The following AFF1 variants were observed in gnomAD, a reference collection of about 807,000 sequenced individuals.
The protein encoded by AFF1 is AF4/FMR2 family member 1.
A neutral mutation model predicts 121.7 loss-of-function variants in AFF1; 48 were observed. The observed-to-expected ratio is 0.39, with a 90% CI of 0.31 to 0.50. The LOEUF is 0.50. Ranked by LOEUF, AFF1 falls within the 20% of genes least tolerant of loss-of-function variation. The pLI is 0.76. For missense variants in AFF1, 1,523 were observed against 1,511.7 expected (o/e 1.01, Z -0.12); for synonymous variants, 613 against 563.0 (o/e 1.09, Z -1.26).
chr4:86,962,035 T>C (rs1044533831), intron 2 of AFF1, among the ~76,000 whole-genome samples: 22 of 152,194 alleles, frequency 1.4e-4, no homozygotes, highest in Non-Finnish European at 5.9e-5. Context: ...CTAAAATATA[T>C]GTTTTTTAAA....
chr4:87,072,361 T>G (rs1722166814), intron 4 of AFF1, among the ~76,000 whole-genome samples: 1 of 34,800 alleles, frequency 2.9e-5, no homozygotes, highest in Non-Finnish European at 5.7e-5. Context: ...AGACTCCGTC[T>G]CAAAAAAAAA....
At chr4:86,992,470 G>A (rs1560523715) in intron 2 of AFF1, among the ~76,000 whole-genome samples, 1 of 152,156 alleles carries the variant, frequency 6.6e-6, no homozygotes, top group Non-Finnish European at 1.5e-5. Flanking sequence ...TGTACTGAGG[G>A]AACATTATCA....
intron 4 of AFF1, among the ~76,000 whole-genome samples, chr4:87,082,562 G>A (rs912797647): frequency 1.3e-5 from 2 of 151,656 alleles, no homozygotes; most frequent in South Asian, 4.2e-4. Context: ...TTAAATTTTT[G>A]TCTGTTTTGA....
chr4:87,030,531 C>G (rs960355939), intron 2 of AFF1, among the ~76,000 whole-genome samples: 4 of 152,180 alleles, frequency 2.6e-5, no homozygotes, highest in Non-Finnish European at 5.9e-5. Flanking sequence ...CGCTGGCAGT[C>G]TTACCCTTCT....
chr4:87,127,758 T>A (rs1006438712), intron 16 of AFF1, 55 bp downstream of exon 16: 26 of 1,562,624 alleles, frequency 1.7e-5, no homozygotes, highest in South Asian at 1.1e-4. Flanking sequence ...GTAAAAAAAA[T>A]TTTTGGTAGT....
chr4:87,046,615 A>G (rs1730718591), intron 3 of AFF1, 80 bp from the exon 4 acceptor site: 1 of 1,417,154 alleles, frequency 7.1e-7, no homozygotes. Context: ...TTTTTTCCTT[A>G]ATAGTATTAT....
In AFF1 at chr4:87,066,109, C is replaced by T. The variant is rs1021223537; in HGVS notation, c.1060-18011C>T. 2.6e-5 allele frequency among the ~76,000 whole-genome samples: 4 copies of T among 152,128 alleles called. No individual in the cohort carries two copies. In the South Asian group the frequency reaches 8.3e-4, roughly 31 times the overall value. ...GCAGGGTTTCACTGCATGATAATACCCATGTTTCCATTGCTTGTAGACCTA... is the reference window on the plus strand; with the variant it reads ...GCAGGGTTTCACTGCATGATAATACTCATGTTTCCATTGCTTGTAGACCTA... On this transcript the variant is annotated intron_variant, in intron 4 of 20. Coordinates refer to ENST00000395146, the MANE Select transcript of AFF1 (RefSeq NM_001166693.3).
At chr4:87,116,783 A>G (rs752703399) in intron 12 of AFF1, among the ~76,000 whole-genome samples, 2 of 152,092 alleles carry the variant, frequency 1.3e-5, no homozygotes, top group Non-Finnish European at 2.9e-5. Context: ...AAGAGGGCAT[A>G]TTTTCATGCC....
chr4:87,091,934 C>CT (rs1724359538), intron 7 of AFF1, 105 bp downstream of exon 7: 1 of 750,454 alleles, frequency 1.3e-6, no homozygotes, highest in Non-Finnish European at 2.2e-6. Context: ...ATGAGGCCTT[C>CT]CTATGTTGAA....
intron 2 of AFF1, among the ~76,000 whole-genome samples, chr4:86,963,191 G>T (rs1274240503): frequency 8.7e-6 from 1 of 114,556 alleles, no homozygotes; most frequent in Non-Finnish European, 1.8e-5. Flanking sequence ...AAAAAAAAAA[G>T]CATAGATAAC....
intron 2 of AFF1, among the ~76,000 whole-genome samples, chr4:87,001,545 C>T (rs1289652324): frequency 6.6e-6 from 1 of 152,048 alleles, no homozygotes; most frequent in Admixed American, 6.6e-5. Flanking sequence ...TGGAGAAAAC[C>T]AAGTGGGAAG....
chr4:87,127,065 T>C lies in AFF1; in HGVS notation c.2851T>C (p.Ser951Pro), dbSNP rs145373536. ...TACTGCAAATCCTTTTCCAGTGCCT[T>C]CTTTGCCAAATGGTAACTCTAAACC... ...GDTANPFPVPSLPNGNSKPGK... is the reference protein window; with the variant it reads ...GDTANPFPVPPLPNGNSKPGK... The change falls in exon 15 of 21, where the codon TCT (serine) becomes CCT (proline). Residue 951 changes from serine to proline, a missense_variant. Ser to Pro is a moderately conservative substitution (Grantham distance 74, BLOSUM62 -1). This residue lies in a region of AFF1 where 905 missense variants were observed against 842.5 expected (regional missense o/e 1.07). Coordinates refer to ENST00000395146, the MANE Select transcript of AFF1 (RefSeq NM_001166693.3). 9.9e-6 allele frequency: 16 copies of C among 1,613,978 alleles called. No homozygotes were observed. Among genetic ancestry groups the C allele is most frequent in the East Asian group, 2.2e-5 (1 of 44,878 alleles).
chr4:87,124,960 T>A (rs1389352776), intron 12 of AFF1, 77 bp from the exon 13 acceptor site: 2 of 1,297,384 alleles, frequency 1.5e-6, no homozygotes, highest in Non-Finnish European at 1.0e-6. Context: ...CCTCTTTGCC[T>A]TTTCTATATT....
rs76522559 is a variant in AFF1, at chr4:86,941,944, G to GT, written c.-36-6542dup. On this transcript the variant is annotated intron_variant, in intron 1 of 20. Transcript: ENST00000395146. Reference sequence around the variant, plus strand: ...TCTCCGAACACCTTTCCAATCCTCCGTTTTTTTTTTTTCCTTATAAATTGG... The same window carrying GT: ...TCTCCGAACACCTTTCCAATCCTCCGTTTTTTTTTTTTTCCTTATAAATTGG... Among the ~76,000 whole-genome samples the GT allele has an allele frequency of 6.4e-3, 917 of 144,338 alleles. 3 individuals are homozygous for GT. Among genetic ancestry groups the GT allele is most frequent in the African/African-American group, 0.017 (672 of 39,658 alleles). 94.7% of individuals were successfully genotyped at this position (144,338 alleles called of 152,430 possible).
intron 4 of AFF1, among the ~76,000 whole-genome samples, chr4:87,076,281 C>T (rs1722663436): frequency 6.6e-6 from 1 of 152,284 alleles, no homozygotes; most frequent in East Asian, 1.9e-4. Flanking sequence ...TATTTCTCCT[C>T]TCCCTGAAAA....
chr4:87,112,123 A>G (rs1726599734), intron 11 of AFF1, among the ~76,000 whole-genome samples: 1 of 152,198 alleles, frequency 6.6e-6, no homozygotes, highest in African/African-American at 2.4e-5. Flanking sequence ...GTGATTGGCA[A>G]GTGATGTATC....
At chr4:87,009,367 C>T (rs1004326097) in intron 2 of AFF1, among the ~76,000 whole-genome samples, 4 of 152,236 alleles carry the variant, frequency 2.6e-5, no homozygotes, top group African/African-American at 9.6e-5. Flanking sequence ...TTAAAGGGAG[C>T]TGCCAAGCCT....
At chr4:86,979,716 C>T (rs561278966) in intron 2 of AFF1, among the ~76,000 whole-genome samples, 4 of 152,058 alleles carry the variant, frequency 2.6e-5, no homozygotes, top group East Asian at 1.9e-4. Flanking sequence ...TCTTGTCTAT[C>T]GGAGTGGCAA....
chr4:87,001,700 A>G (rs1725741057), intron 2 of AFF1, among the ~76,000 whole-genome samples: 1 of 152,214 alleles, frequency 6.6e-6, no homozygotes. Flanking sequence ...AAATAAGGAT[A>G]GGAGGGCTGC....
Sources: gnomAD v4.1 joint callset for allele counts (sites outside exome capture counted in the v4.1 genomes callset) on GRCh38, gnomAD v4.1.1 for gene constraint, gnomAD v4.1.1 regional missense constraint, MANE v1.5 for transcripts, NCBI Gene and HGNC (gene_info 2026-07-23, HGNC 2026-07-21) for gene names.